EFCAB11: variants seen among roughly 807,000 people sequenced by gnomAD.
EFCAB11 encodes EF-hand calcium binding domain 11, also known as EF-hand calcium-binding domain-containing protein 11.
Under a neutral mutation model 23.0 loss-of-function variants are expected in EFCAB11, and 14 were observed. That is an observed-to-expected ratio of 0.61 (90% CI 0.40 to 0.95). The LOEUF is 0.95. Ranked by LOEUF, EFCAB11 falls within the 40% of genes least tolerant of loss-of-function variation. The pLI, the probability that EFCAB11 is intolerant of heterozygous loss-of-function variation, is 0.00. For missense variants in EFCAB11, 198 were observed against 195.8 expected, an observed-to-expected ratio of 1.01 and a Z score of -0.07; for synonymous variants, 65 against 66.6, an observed-to-expected ratio of 0.98 and a Z score of 0.11.
Position 89,796,280 on chromosome 14 carries a change from A to G in EFCAB11, c.*963T>C, listed in dbSNP as rs1885572200. The G allele has an allele frequency of 6.6e-6, 1 of 152,202 alleles. No individual in the cohort carries two copies. 9.4% of individuals were successfully genotyped at this position (152,202 alleles called of 1,614,324 possible). A position where few individuals can be genotyped will look rare whatever the true frequency, so the allele number is the denominator to read the frequency against. On this transcript the variant is annotated 3_prime_UTR_variant, in exon 6 of 6. Transcript: ENST00000316738. ...GATTTGGACTCAGGGACATTATCTT[A>G]GAGAAGTCTTTATATGTTTTTTTTT...
intron 3 of EFCAB11, among the ~76,000 whole-genome samples, chr14:89,944,633 T>A (rs767786866): frequency 6.6e-6 from 1 of 152,052 alleles, no homozygotes; most frequent in East Asian, 1.9e-4. Context: ...ATGAAAAAAA[T>A]GTAGAAAAGG....
At position 89,883,002 on chromosome 14, in the gene EFCAB11, C is replaced by A. The variant is rs116775581; in HGVS notation, c.410+48539G>T. ...AGAGCCGGGCGCCTCCCCACTCTTT[C>A]TTTTGCTTCCTCTCTTGCCGTGTGA... On this transcript the variant is annotated intron_variant, in intron 5 of 5. Transcript: ENST00000316738. 2.3e-3 allele frequency among the ~76,000 whole-genome samples: 352 copies of A among 152,250 alleles called. 1 individual carries two copies. The highest frequency in any genetic ancestry group is 7.7e-3 in the African/African-American group (321 of 41,554).
At chr14:89,921,839 CA>C (rs1449795878) in intron 5 of EFCAB11, among the ~76,000 whole-genome samples, 1 of 152,244 alleles carries the variant, frequency 6.6e-6, no homozygotes, top group East Asian at 1.9e-4. Context: ...CATTTTAAAA[CA>C]ATTGTTAAGT....
chr14:89,951,476 T>C (rs879704312), intron 2 of EFCAB11, among the ~76,000 whole-genome samples: 5 of 152,214 alleles, frequency 3.3e-5, no homozygotes, highest in Admixed American at 1.3e-4. Flanking sequence ...CAATCTCTTC[T>C]CTTTCTTGGT....
At chr14:89,923,777 T>G in intron 5 of EFCAB11, 1 of 985,376 alleles carries the variant, frequency 1.0e-6, no homozygotes, top group Non-Finnish European at 1.2e-6. Context: ...CACAAAATAA[T>G]GACTGGAAAT....
At chr14:89,827,413 C>T (rs894374909) in intron 5 of EFCAB11, among the ~76,000 whole-genome samples, 3 of 152,110 alleles carry the variant, frequency 2.0e-5, no homozygotes, top group Non-Finnish European at 4.4e-5. Context: ...AAGGAACACT[C>T]GCCTCTCCCT....
intron 5 of EFCAB11, among the ~76,000 whole-genome samples, chr14:89,877,463 C>G (rs961097065): frequency 5.3e-5 from 8 of 152,156 alleles, no homozygotes; most frequent in Non-Finnish European, 8.8e-5. Flanking sequence ...TATAAGAAAT[C>G]TAAAGATAAT....
chr14:89,954,748 C>T (rs1480518574), upstream of EFCAB11: 5 of 1,533,054 alleles, frequency 3.3e-6, no homozygotes, highest in Non-Finnish European at 3.5e-6. Flanking sequence ...CCACGCCCAC[C>T]GCGGCTCAGG....
At chr14:89,891,657 A>C (rs1888968052) in intron 5 of EFCAB11, among the ~76,000 whole-genome samples, 1 of 152,202 alleles carries the variant, frequency 6.6e-6, no homozygotes, top group Admixed American at 6.5e-5. Context: ...AAAACAAGAA[A>C]GGAAAATTAC....
intron 5 of EFCAB11, among the ~76,000 whole-genome samples, chr14:89,916,860 T>G (rs1889859612): frequency 2.0e-5 from 3 of 152,274 alleles, no homozygotes; most frequent in Non-Finnish European, 4.4e-5. Context: ...TTTTTAAACT[T>G]TTATTTGTTT....
intron 5 of EFCAB11, among the ~76,000 whole-genome samples, chr14:89,922,697 T>C (rs761840266): frequency 1.3e-5 from 2 of 152,160 alleles, no homozygotes; most frequent in Non-Finnish European, 2.9e-5. Flanking sequence ...CCTACAAAAC[T>C]GTGCTACGGG....
intron 5 of EFCAB11, among the ~76,000 whole-genome samples, chr14:89,884,926 A>G (rs1032922578): frequency 1.3e-5 from 2 of 152,248 alleles, no homozygotes; most frequent in African/African-American, 4.8e-5. Flanking sequence ...ACAGCCAGGC[A>G]GGCAGCCATC....
At chr14:89,859,743 GAAGT>G (rs764511171) in intron 5 of EFCAB11, among the ~76,000 whole-genome samples, 3 of 152,152 alleles carry the variant, frequency 2.0e-5, no homozygotes, top group Non-Finnish European at 4.4e-5. Context: ...CATGAAGGGA[GAAGT>G]AAGGCTGTTC....
At chr14:89,930,142 T>C (rs372056211) in intron 5 of EFCAB11, among the ~76,000 whole-genome samples, 16 of 152,402 alleles carry the variant, frequency 1.0e-4, no homozygotes, top group African/African-American at 3.6e-4. Flanking sequence ...GCATTTTGTA[T>C]GCATCTGGCT....
intron 5 of EFCAB11, among the ~76,000 whole-genome samples, chr14:89,893,420 G>A (rs1039706094): frequency 2.0e-5 from 3 of 152,052 alleles, no homozygotes; most frequent in African/African-American, 7.2e-5. Context: ...CCACTGTGAT[G>A]AGCCACCAAG....
intron 5 of EFCAB11, among the ~76,000 whole-genome samples, chr14:89,854,864 C>T (rs1887702690): frequency 6.6e-6 from 1 of 152,154 alleles, no homozygotes; most frequent in Non-Finnish European, 1.5e-5. Context: ...TGCTCTTCCA[C>T]CACTACTTTA....
intron 5 of EFCAB11, among the ~76,000 whole-genome samples, chr14:89,886,235 C>G (rs556508126): frequency 6.6e-6 from 1 of 152,062 alleles, no homozygotes; most frequent in East Asian, 1.9e-4. Flanking sequence ...GTGATCTGCT[C>G]GGTCAGGCGT....
chr14:89,820,784 T>C (rs1886490788), intron 5 of EFCAB11, among the ~76,000 whole-genome samples: 1 of 152,144 alleles, frequency 6.6e-6, no homozygotes, highest in African/African-American at 2.4e-5. Flanking sequence ...TGATGGTTAA[T>C]TTTATGTGTT....
rs1885571806 is a variant in EFCAB11, at chr14:89,796,264, T to G, written c.*979A>C. On this transcript the variant is annotated 3_prime_UTR_variant, in exon 6 of 6. Transcript: ENST00000316738. Reference sequence around the variant, plus strand: ...ACCACTTTACAGTGATGATTTGGACTCAGGGACATTATCTTAGAGAAGTCT... The same window carrying G: ...ACCACTTTACAGTGATGATTTGGACGCAGGGACATTATCTTAGAGAAGTCT... The G allele has an allele frequency of 6.6e-6, 1 of 152,254 alleles. No individual in the cohort carries two copies. Among genetic ancestry groups the G allele is most frequent in the Admixed American group, 6.5e-5 (1 of 15,288 alleles). 9.4% of individuals were successfully genotyped at this position (152,254 alleles called of 1,614,324 possible).
Sources: gnomAD v4.1 joint callset for allele counts (sites outside exome capture counted in the v4.1 genomes callset) on GRCh38, gnomAD v4.1.1 for gene constraint, MANE v1.5 for transcripts, NCBI Gene and HGNC (gene_info 2026-07-23, HGNC 2026-07-21) for gene names.